Variants in TG observed in about 807,000 individuals in gnomAD.
TG encodes the protein thyroid hormones.
TG carries 270 observed loss-of-function variants against 324.7 expected under a neutral mutation model. The ratio of observed to expected loss-of-function variants is 0.83; its 90% CI spans 0.75 to 0.92. The LOEUF is 0.92. Ranked by LOEUF, TG falls within the 40% of genes least tolerant of loss-of-function variation. The probability of loss-of-function intolerance (pLI) is 0.00; values close to 1 mark genes in which losing one functional copy is unlikely to be tolerated. For synonymous variants in TG, 1,401 were observed against 1,327.0 expected (o/e 1.06, Z -1.21); for missense variants, 3,591 against 3,456.4 (o/e 1.04, Z -0.98).
Position 132,886,754 on chromosome 8 carries a change from C to A in TG, c.1382C>A (p.Thr461Asn), listed in dbSNP as rs755633747. Residue 461 changes from threonine (T) to asparagine (N), a missense_variant, in exon 9 of 48, where the codon ACC (threonine) becomes AAC (asparagine). Thr to Asn is a moderately conservative substitution (Grantham distance 65). Coordinates refer to ENST00000220616, the MANE Select transcript of TG (RefSeq NM_003235.5). ...CTGGCTCGTCTTGCCCTTCAGTTTA[C>A]CACCAACCCAAAGAGACTCCAGCAA... Reference protein sequence around the residue: ...RGLARLALQFTTNPKRLQQNL... With the variant: ...RGLARLALQFNTNPKRLQQNL... The A allele has an allele frequency of 6.2e-7, 1 of 1,614,198 alleles. No homozygotes were observed. The highest frequency in any genetic ancestry group is 1.1e-5 in the South Asian group (1 of 91,076).
chr8:132,934,335 A>G (rs1466292579), intron 24 of TG, among the ~76,000 whole-genome samples: 2 of 38,686 alleles, frequency 5.2e-5, no homozygotes, highest in African/African-American at 1.0e-4. Flanking sequence ...GACTCCATCA[A>G]AAAAACAAAC....
intron 41 of TG, among the ~76,000 whole-genome samples, chr8:133,067,916 A>AAG (rs1491304237): frequency 5.4e-5 from 5 of 91,854 alleles, no homozygotes; most frequent in South Asian, 2.9e-4. Context: ...GGAAGGAAGG[A>AAG]AAGAGAGAGA....
chr8:133,064,580 G>A (rs141820484), intron 41 of TG, among the ~76,000 whole-genome samples: 34 of 152,342 alleles, frequency 2.2e-4, no homozygotes, highest in African/African-American at 3.6e-4. Context: ...TCTCTCCAGC[G>A]TAAGGAACTC....
At chr8:132,893,992 G>A (rs1816738457) in intron 11 of TG, 63 bp downstream of exon 11, 4 of 1,612,764 alleles carry the variant, frequency 2.5e-6, no homozygotes, top group Middle Eastern at 1.7e-4. Context: ...GCTTAAATTC[G>A]TCTCTCCTCA....
intron 35 of TG, 91 bp downstream of exon 35, chr8:132,983,503 A>G (rs192520696): frequency 1.6e-6 from 2 of 1,238,628 alleles, no homozygotes; most frequent in African/African-American, 1.5e-5. Context: ...ACAGAAGTTG[A>G]TAGCTTGCAT....
intron 43 of TG, among the ~76,000 whole-genome samples, chr8:133,108,168 A>G (rs1219323107): frequency 1.3e-5 from 2 of 149,260 alleles, no homozygotes; most frequent in African/African-American, 5.0e-5. Context: ...TCGTATTTTT[A>G]GTAGAGATGG....
At chr8:133,082,616 C>T (rs576954572) in intron 41 of TG, among the ~76,000 whole-genome samples, 17 of 152,318 alleles carry the variant, frequency 1.1e-4, no homozygotes, top group Admixed American at 2.0e-4. Context: ...AGCTTCCCCA[C>T]GTCACCGGAG....
At chr8:133,050,764 A>G in intron 41 of TG, 2 of 1,205,028 alleles carry the variant, frequency 1.7e-6, no homozygotes, top group South Asian at 2.4e-5. Context: ...TTTCTCCCAA[A>G]CCAAGTTTAT....
At chr8:133,044,924 A>G (rs548194634) in intron 41 of TG, 2 of 1,571,616 alleles carry the variant, frequency 1.3e-6, no homozygotes, top group East Asian at 4.5e-5. Context: ...ATGGCGCCAC[A>G]GAGCAATTAG....
intron 20 of TG, among the ~76,000 whole-genome samples, chr8:132,917,749 C>T (rs1469956423): frequency 6.6e-6 from 1 of 152,018 alleles, no homozygotes; most frequent in African/African-American, 2.4e-5. Context: ...AGAAATGCGG[C>T]TGTCAATGTT....
chr8:132,976,831 G>A (rs1277922708), intron 34 of TG, among the ~76,000 whole-genome samples: 1 of 150,140 alleles, frequency 6.7e-6, no homozygotes, highest in South Asian at 2.1e-4. Flanking sequence ...GAGCAGGACA[G>A]GGTTCTTTCT....
chr8:132,898,410 C>T (rs148797697), intron 13 of TG, among the ~76,000 whole-genome samples, 164 bp downstream of exon 13: 12 of 152,330 alleles, frequency 7.9e-5, no homozygotes, highest in Admixed American at 2.6e-4. Flanking sequence ...TGCAAGCTTG[C>T]GCTGACCTTG....
At chr8:132,960,947 A>G (rs1246942659) in intron 27 of TG, 61 bp from the exon 28 acceptor site, 20 of 1,510,746 alleles carry the variant, frequency 1.3e-5, no homozygotes, top group Non-Finnish European at 1.7e-5. Context: ...CTATTGCAGT[A>G]ATGGTGGGTA....
intron 41 of TG, chr8:133,049,467 G>A (rs2252917): frequency 0.58 from 162,486 of 281,598 alleles, 49,741 homozygotes; most frequent in African/African-American, 0.82. Context: ...TATCCCTGTC[G>A]TTCTATGTTA....
intron 41 of TG, among the ~76,000 whole-genome samples, chr8:133,080,718 C>G (rs972304325): frequency 3.3e-5 from 5 of 152,226 alleles, no homozygotes; most frequent in African/African-American, 1.2e-4. Flanking sequence ...GCCCCACTCA[C>G]CATAGGAACT....
intron 41 of TG, chr8:133,037,575 G>C (rs1837319058): frequency 6.6e-6 from 1 of 151,266 alleles, no homozygotes; most frequent in African/African-American, 2.4e-5. Flanking sequence ...TTACACATTT[G>C]TTTATACATT....
intron 35 of TG, among the ~76,000 whole-genome samples, chr8:132,989,207 G>A (rs959161264): frequency 6.6e-6 from 1 of 152,196 alleles, no homozygotes; most frequent in African/African-American, 2.4e-5. Context: ...CCCACAACAC[G>A]TGGGAATTAT....
At chr8:133,040,915 T>G (rs186897588) in intron 41 of TG, among the ~76,000 whole-genome samples, 96 of 152,376 alleles carry the variant, frequency 6.3e-4, no homozygotes, top group African/African-American at 2.3e-3. Context: ...TAAACCCGTT[T>G]CTTTTTTCTC....
intron 35 of TG, among the ~76,000 whole-genome samples, chr8:133,003,410 A>ATTT (rs568961549): frequency 1.4e-4 from 19 of 138,874 alleles, no homozygotes; most frequent in African/African-American, 5.0e-4. Context: ...TCGGATACTT[A>ATTT]TTTTTTTTTT....
Sources: allele counts gnomAD v4.1 joint callset (sites outside exome capture counted in the v4.1 genomes callset), GRCh38; gene constraint gnomAD v4.1.1; transcripts MANE v1.5; gene names NCBI Gene and HGNC (gene_info 2026-07-23, HGNC 2026-07-21).